UNC13C: variants seen among roughly 807,000 people sequenced by gnomAD.
The protein encoded by UNC13C is protein unc-13 homolog C.
UNC13C carries 174 observed loss-of-function variants against 245.4 expected under a neutral mutation model. That is an observed-to-expected ratio of 0.71 (90% CI 0.63 to 0.80). UNC13C has a LOEUF of 0.80. Ranked by LOEUF, UNC13C falls within the 30% of genes least tolerant of loss-of-function variation. UNC13C has a pLI of 0.00. For missense variants in UNC13C, 2,829 were observed against 2,602.9 expected, an observed-to-expected ratio of 1.09 and a Z score of -1.89; for synonymous variants, 992 against 895.1, an observed-to-expected ratio of 1.11 and a Z score of -1.93.
chr15:54,624,483 A>G (rs1901012328), intron 32 of UNC13C, among the ~76,000 whole-genome samples: 1 of 152,196 alleles, frequency 6.6e-6, no homozygotes, highest in African/African-American at 2.4e-5. Flanking sequence ...TAAAGGAGTG[A>G]GATCCAAGTG....
At chr15:54,217,742 G>A (rs749658800) in intron 4 of UNC13C, among the ~76,000 whole-genome samples, 1 of 151,760 alleles carries the variant, frequency 6.6e-6, no homozygotes, top group Non-Finnish European at 1.5e-5. Flanking sequence ...ATTCATAGAG[G>A]ATAAAAAATA....
At chr15:53,848,400 T>G in the UNC13C span, among the ~76,000 whole-genome samples, 1 of 152,200 alleles carries the variant, frequency 6.6e-6, no homozygotes. Flanking sequence ...ATGTGTGTTA[T>G]TTAATTTCAA....
chr15:54,266,638 A>G (rs1462065284), intron 10 of UNC13C, among the ~76,000 whole-genome samples: 1 of 152,010 alleles, frequency 6.6e-6, no homozygotes, highest in Non-Finnish European at 1.5e-5. Flanking sequence ...AACCTTAGAA[A>G]CAGTTTTATT....
At chr15:53,893,749 C>A in the UNC13C span, among the ~76,000 whole-genome samples, 11 of 151,854 alleles carry the variant, frequency 7.2e-5, no homozygotes, top group African/African-American at 2.7e-4. Flanking sequence ...GCTGTGCTGG[C>A]AGCAAGAATT....
chr15:54,183,313 T>C (rs1296719376), intron 4 of UNC13C, among the ~76,000 whole-genome samples: 1 of 151,182 alleles, frequency 6.6e-6, no homozygotes, highest in Non-Finnish European at 1.5e-5. Flanking sequence ...ATTTGGAAAA[T>C]GCTGGCACAA....
Position 54,014,419 on chromosome 15 carries a change from G to A in UNC13C, c.1516G>A (p.Asp506Asn), listed in dbSNP as rs750642500. Residue 506 changes from aspartate (D) to asparagine (N), a missense_variant, in exon 2 of 33, where the codon GAT (aspartate) becomes AAT (asparagine). Asp to Asn is a conservative substitution (Grantham distance 23). Transcript: ENST00000260323. Reference sequence around the variant, plus strand: ...TAGCAGCAGAATTTCAAATAAATCAGATTATGATAAAATCTCCTCACAGTT... The same window carrying A: ...TAGCAGCAGAATTTCAAATAAATCAAATTATGATAAAATCTCCTCACAGTT... ...ANSSRISNKS[D>N]YDKISSQLPE... 1.3e-5 allele frequency: 21 copies of A among 1,613,610 alleles called. No individual in the cohort carries two copies. In the Admixed American group the frequency reaches 3.3e-4, roughly 26 times the overall value.
At chr15:54,622,177 G>T (rs1900836470) in intron 30 of UNC13C, 150 bp from the exon 31 acceptor site, 2 of 581,404 alleles carry the variant, frequency 3.4e-6, no homozygotes, top group Non-Finnish European at 6.2e-6. Context: ...TCATACTTAA[G>T]TGAATATTTA....
At chr15:54,554,516 TTCCCCCACGTGGGAC>T (rs1226490283) in intron 28 of UNC13C, among the ~76,000 whole-genome samples, 4 of 152,092 alleles carry the variant, frequency 2.6e-5, no homozygotes, top group African/African-American at 9.7e-5. Flanking sequence ...CAGAGCTATG[TTCCCCCACGTGGGAC>T]TTTTCTTCTA....
intron 4 of UNC13C, among the ~76,000 whole-genome samples, chr15:54,185,315 T>C (rs1425366564): frequency 6.6e-6 from 1 of 152,094 alleles, no homozygotes; most frequent in African/African-American, 2.4e-5. Flanking sequence ...TTGCCATTGC[T>C]TTTGGTGTTT....
chr15:54,278,773 C>T (rs2036901038), intron 10 of UNC13C, among the ~76,000 whole-genome samples: 1 of 152,096 alleles, frequency 6.6e-6, no homozygotes, highest in African/African-American at 2.4e-5. Flanking sequence ...AAATTCTTGA[C>T]ATTTGACCCT....
At chr15:54,114,958 T>G (rs1378247758) in intron 2 of UNC13C, among the ~76,000 whole-genome samples, 1 of 152,152 alleles carries the variant, frequency 6.6e-6, no homozygotes, top group Non-Finnish European at 1.5e-5. Context: ...TGTTTTTAAT[T>G]CAGATTTCCA....
chr15:53,936,607 A>T, the UNC13C span, among the ~76,000 whole-genome samples: 1 of 152,292 alleles, frequency 6.6e-6, no homozygotes, highest in South Asian at 2.1e-4. Context: ...CCAGACACCT[A>T]CAGGAGCATT....
rs538475941 is a variant in UNC13C, at chr15:54,322,207, G to A, written c.4425+112G>A. On this transcript the variant is annotated intron_variant, in intron 14 of 32. Transcript: ENST00000260323. ...ATCTTATTGCAGAAAGGACATTTTA[G>A]GGAATAGCGTAATGGGTTCCAGCTC... is the stretch of plus-strand genomic sequence containing the variant. The A allele has an allele frequency of 1.0e-5, 11 of 1,075,076 alleles. No individual in the cohort carries two copies. In the South Asian group the frequency reaches 1.7e-4, roughly 16 times the overall value. 66.6% of individuals were successfully genotyped at this position (1,075,076 alleles called of 1,614,324 possible).
At chr15:54,624,810 A>G (rs935589921) in intron 32 of UNC13C, among the ~76,000 whole-genome samples, 6 of 152,082 alleles carry the variant, frequency 3.9e-5, no homozygotes, top group Admixed American at 6.6e-5. Context: ...TCCCGAAAAC[A>G]CTCAGTTTAG....
chr15:54,250,499 T>G, intron 8 of UNC13C, 55 bp downstream of exon 8: 1 of 1,482,500 alleles, frequency 6.7e-7, no homozygotes. Flanking sequence ...TTATTCCATC[T>G]GTTTCATGTT....
chr15:54,140,837 G>C (rs1184514885), intron 2 of UNC13C, among the ~76,000 whole-genome samples: 1 of 152,068 alleles, frequency 6.6e-6, no homozygotes, highest in Non-Finnish European at 1.5e-5. Flanking sequence ...AAGAAGGAGA[G>C]TGACATAATT....
intron 10 of UNC13C, among the ~76,000 whole-genome samples, chr15:54,270,482 G>C (rs1052225959): frequency 2.6e-5 from 4 of 152,032 alleles, no homozygotes; most frequent in Non-Finnish European, 5.9e-5. Flanking sequence ...TACTATATAT[G>C]AATTTCATAG....
At chr15:54,397,334 T>A (rs1207790410) in intron 18 of UNC13C, among the ~76,000 whole-genome samples, 2 of 151,542 alleles carry the variant, frequency 1.3e-5, no homozygotes, top group Non-Finnish European at 3.0e-5. Flanking sequence ...CAATTGACTG[T>A]ATATGTAAGA....
intron 13 of UNC13C, among the ~76,000 whole-genome samples, chr15:54,305,748 G>A (rs1425030672): frequency 6.6e-6 from 1 of 151,908 alleles, no homozygotes; most frequent in Non-Finnish European, 1.5e-5. Context: ...CAGCTACAAA[G>A]AAGAAATGCT....
Sources: allele counts gnomAD v4.1 joint callset (sites outside exome capture counted in the v4.1 genomes callset), GRCh38; gene constraint gnomAD v4.1.1; transcripts MANE v1.5; gene names NCBI Gene and HGNC (gene_info 2026-07-23, HGNC 2026-07-21).